The following GALNT13 variants were observed in gnomAD, a reference collection of about 807,000 sequenced individuals.
The protein encoded by GALNT13 is polypeptide N-acetylgalactosaminyltransferase 13.
A neutral mutation model predicts 64.2 loss-of-function variants in GALNT13; 28 were observed. The ratio of observed to expected loss-of-function variants is 0.44; its 90% CI spans 0.32 to 0.60. GALNT13 has a LOEUF of 0.60. Ranked by LOEUF, GALNT13 falls within the 20% of genes least tolerant of loss-of-function variation. GALNT13 has a pLI of 0.05. For synonymous variants in GALNT13, 214 were observed against 224.6 expected, an observed-to-expected ratio of 0.95 and a Z score of 0.42; for missense variants, 577 against 669.8, an observed-to-expected ratio of 0.86 and a Z score of 1.53.
the GALNT13 span, among the ~76,000 whole-genome samples, chr2:153,740,849 A>G: frequency 1.3e-5 from 2 of 152,136 alleles, no homozygotes; most frequent in Non-Finnish European, 2.9e-5. Context: ...GAGTTTATGC[A>G]TATCATTTGG....
intron 9 of GALNT13, among the ~76,000 whole-genome samples, chr2:154,316,026 T>TG (rs1293093880): frequency 1.3e-5 from 2 of 152,108 alleles, no homozygotes; most frequent in Non-Finnish European, 2.9e-5. Flanking sequence ...AGGCAGGAGT[T>TG]GCAGTGAGCT....
At chr2:153,479,576 C>A in the GALNT13 span, among the ~76,000 whole-genome samples, 1 of 152,132 alleles carries the variant, frequency 6.6e-6, no homozygotes, top group African/African-American at 2.4e-5. Context: ...AACAGAGTGA[C>A]CACTTGCTTG....
At chr2:154,098,002 A>G (rs1702156467) in intron 3 of GALNT13, among the ~76,000 whole-genome samples, 1 of 151,740 alleles carries the variant, frequency 6.6e-6, no homozygotes, top group Non-Finnish European at 1.5e-5. Flanking sequence ...CAGACTGGAG[A>G]CGTGACCAAA....
the GALNT13 span, among the ~76,000 whole-genome samples, chr2:153,434,228 A>G: frequency 6.6e-6 from 1 of 152,102 alleles, no homozygotes; most frequent in Non-Finnish European, 1.5e-5. Context: ...CCAGTCTATC[A>G]TTGTTGGACA....
the GALNT13 span, among the ~76,000 whole-genome samples, chr2:153,693,382 T>A: frequency 6.6e-6 from 1 of 152,196 alleles, no homozygotes; most frequent in African/African-American, 2.4e-5. Context: ...CAATGGGTTT[T>A]ACCCTTCTTA....
At chr2:153,125,868 G>A in the GALNT13 span, among the ~76,000 whole-genome samples, 1 of 151,994 alleles carries the variant, frequency 6.6e-6, no homozygotes, top group African/African-American at 2.4e-5. Context: ...ATCTGTTCTT[G>A]TTGACAATGG....
At chr2:154,299,887 A>G (rs940026694) in intron 8 of GALNT13, among the ~76,000 whole-genome samples, 16 of 151,700 alleles carry the variant, frequency 1.1e-4, no homozygotes, top group African/African-American at 3.6e-4. Flanking sequence ...CTAGCATTAC[A>G]CTGTTTAAAA....
At chr2:153,704,126 A>G in the GALNT13 span, among the ~76,000 whole-genome samples, 4 of 152,114 alleles carry the variant, frequency 2.6e-5, no homozygotes, top group African/African-American at 4.8e-5. Flanking sequence ...ATTAGAAAAA[A>G]ATGACTCACT....
At chr2:154,217,830 T>C (rs1688126578) in intron 4 of GALNT13, among the ~76,000 whole-genome samples, 1 of 152,148 alleles carries the variant, frequency 6.6e-6, no homozygotes, top group Admixed American at 6.6e-5. Flanking sequence ...TATTTTAAGA[T>C]GTATTTTCAA....
chr2:153,630,213 G>A, the GALNT13 span, among the ~76,000 whole-genome samples: 16 of 152,120 alleles, frequency 1.1e-4, no homozygotes, highest in African/African-American at 3.1e-4. Context: ...GTTTATTGCA[G>A]CACTATTCAC....
At chr2:154,406,942 A>G (rs1312975216) in intron 10 of GALNT13, among the ~76,000 whole-genome samples, 3 of 152,190 alleles carry the variant, frequency 2.0e-5, no homozygotes, top group African/African-American at 7.2e-5. Flanking sequence ...TAGAAAATAG[A>G]TCAATAATAG....
At chr2:154,288,368 T>C (rs1379897002) in intron 8 of GALNT13, among the ~76,000 whole-genome samples, 1 of 152,082 alleles carries the variant, frequency 6.6e-6, no homozygotes, top group African/African-American at 2.4e-5. Context: ...GTTCCACCTC[T>C]GGCCCCTCCC....
At chr2:153,424,835 G>C in the GALNT13 span, among the ~76,000 whole-genome samples, 3 of 151,732 alleles carry the variant, frequency 2.0e-5, no homozygotes, top group Admixed American at 2.0e-4. Flanking sequence ...CAAACACATG[G>C]AAATAGCCTA....
At chr2:153,225,613 T>C in the GALNT13 span, among the ~76,000 whole-genome samples, 6 of 152,162 alleles carry the variant, frequency 3.9e-5, no homozygotes, top group Admixed American at 1.3e-4. Flanking sequence ...CCTCTGAAAC[T>C]AATAAATAAA....
At chr2:153,538,080 G>A in the GALNT13 span, among the ~76,000 whole-genome samples, 5 of 152,260 alleles carry the variant, frequency 3.3e-5, no homozygotes, top group East Asian at 9.7e-4. Context: ...GAACTCCCTG[G>A]AGACTTGTTG....
chr2:153,221,743 G>A, the GALNT13 span, among the ~76,000 whole-genome samples: 5 of 152,176 alleles, frequency 3.3e-5, no homozygotes, highest in Non-Finnish European at 7.3e-5. Flanking sequence ...CGCACAGCCA[G>A]GCACACCAGC....
At chr2:154,300,118 G>C (rs1490126248) in intron 8 of GALNT13, among the ~76,000 whole-genome samples, 2 of 11,488 alleles carry the variant, frequency 1.7e-4, no homozygotes, top group African/African-American at 5.6e-4. Flanking sequence ...TTTTTTTTTT[G>C]AGATAGAGTT....
the GALNT13 span, among the ~76,000 whole-genome samples, chr2:153,263,703 T>A: frequency 4.6e-5 from 7 of 152,090 alleles, no homozygotes; most frequent in Non-Finnish European, 1.0e-4. Flanking sequence ...GGGAAATAAT[T>A]CCCCATTTCA....
intron 3 of GALNT13, among the ~76,000 whole-genome samples, chr2:153,956,152 G>A (rs1161151498): frequency 6.6e-6 from 1 of 152,112 alleles, no homozygotes; most frequent in Non-Finnish European, 1.5e-5. Flanking sequence ...AGTTATGTTG[G>A]GAGAAAACAC....
Sources: gnomAD v4.1 joint callset for allele counts (sites outside exome capture counted in the v4.1 genomes callset) on GRCh38, gnomAD v4.1.1 for gene constraint, MANE v1.5 for transcripts, NCBI Gene and HGNC (gene_info 2026-07-23, HGNC 2026-07-21) for gene names.